Variants in MGAT4C observed in about 807,000 individuals in gnomAD.
MGAT4C encodes alpha-1,3-mannosyl-glycoprotein 4-beta-N-acetylglucosaminyltransferase C.
In MGAT4C, 19 loss-of-function variants were observed where a neutral mutation model predicts 40.1. That is an observed-to-expected ratio of 0.47 (90% CI 0.33 to 0.70). MGAT4C has a LOEUF of 0.70. MGAT4C is among the 30% of genes least tolerant of loss of function. MGAT4C has a pLI of 0.02. For synonymous variants in MGAT4C, 181 were observed against 187.1 expected (o/e 0.97, Z 0.27); for missense variants, 491 against 563.2 (o/e 0.87, Z 1.30).
intron 2 of MGAT4C, among the ~76,000 whole-genome samples, chr12:86,696,958 T>C (rs1950271342): frequency 6.6e-6 from 1 of 152,074 alleles, no homozygotes; most frequent in South Asian, 2.1e-4. Flanking sequence ...GCTCTCCCTC[T>C]GTCTTTCTCT....
chr12:86,102,434 A>G (rs897771060), intron 1 of MGAT4C, among the ~76,000 whole-genome samples: 5 of 152,090 alleles, frequency 3.3e-5, no homozygotes, highest in Non-Finnish European at 7.4e-5. Context: ...AAAAGCACAG[A>G]AAGTGTATTT....
chr12:86,609,711 A>C (rs1001079479), intron 2 of MGAT4C, among the ~76,000 whole-genome samples: 3 of 151,332 alleles, frequency 2.0e-5, no homozygotes, highest in Admixed American at 2.0e-4. Flanking sequence ...GGAGGCCCTC[A>C]AACCCTACTT....
intron 2 of MGAT4C, among the ~76,000 whole-genome samples, chr12:86,625,252 C>T (rs901883716): frequency 5.3e-5 from 8 of 151,994 alleles, no homozygotes; most frequent in South Asian, 4.1e-4. Flanking sequence ...CATCCCTAGC[C>T]GTGCAGAACT....
In MGAT4C at chr12:85,979,081, T is replaced by C. The variant is rs565806131; in HGVS notation, c.*208A>G. ...ATATAAATGAAAGTAGCATTAGCTA[T>C]AGACTGATATTCAACTTCAGACGTT... is the stretch of plus-strand genomic sequence containing the variant. On this transcript the variant is annotated 3_prime_UTR_variant, in exon 5 of 5. Coordinates refer to ENST00000611864, the MANE Select transcript of MGAT4C (RefSeq NM_001351288.2). 2.4e-6 allele frequency: 1 copy of C among 423,282 alleles called. No homozygotes were observed. Among genetic ancestry groups the C allele is most frequent in the African/African-American group, 2.0e-5 (1 of 49,246 alleles). 26.2% of individuals were successfully genotyped at this position (423,282 alleles called of 1,614,324 possible).
At chr12:86,235,119 T>C (rs1185498062) in intron 1 of MGAT4C, among the ~76,000 whole-genome samples, 2 of 152,102 alleles carry the variant, frequency 1.3e-5, no homozygotes, top group African/African-American at 4.8e-5. Flanking sequence ...CATAGGTTTA[T>C]TTATATTTGT....
At chr12:86,321,933 T>C (rs1954400132) in intron 4 of MGAT4C, among the ~76,000 whole-genome samples, 1 of 152,126 alleles carries the variant, frequency 6.6e-6, no homozygotes, top group Admixed American at 6.6e-5. Context: ...CGTATGTTTA[T>C]TGTGGCACTA....
chr12:86,200,127 GTTTTTTTTTTT>G (rs56844963), intron 1 of MGAT4C, among the ~76,000 whole-genome samples: 3 of 102,362 alleles, frequency 2.9e-5, no homozygotes, highest in East Asian at 3.1e-4. Flanking sequence ...GTATGTATTT[GTTTTTTTTTTT>G]TTTTTTTTTG....
intron 2 of MGAT4C, among the ~76,000 whole-genome samples, chr12:85,990,931 T>C (rs1885844848): frequency 6.6e-6 from 1 of 152,162 alleles, no homozygotes; most frequent in Non-Finnish European, 1.5e-5. Context: ...GGAGGCAATA[T>C]TGTAGTTCTG....
chr12:86,020,168 T>C (rs1032507816), intron 2 of MGAT4C, among the ~76,000 whole-genome samples: 4 of 152,172 alleles, frequency 2.6e-5, no homozygotes, highest in African/African-American at 7.2e-5. Flanking sequence ...CTTTTCTTCA[T>C]TGAATACCCT....
chr12:86,080,621 C>T (rs961148423), intron 1 of MGAT4C, among the ~76,000 whole-genome samples: 3 of 152,162 alleles, frequency 2.0e-5, no homozygotes, highest in South Asian at 2.1e-4. Context: ...CCACACACAC[C>T]GGTACCATGA....
intron 4 of MGAT4C, among the ~76,000 whole-genome samples, chr12:86,278,627 A>G (rs145989671): frequency 6.6e-6 from 1 of 152,016 alleles, no homozygotes; most frequent in East Asian, 1.9e-4. Flanking sequence ...CCAAGATATA[A>G]GAGCATATCA....
chr12:86,272,574 C>T (rs1010071010), intron 4 of MGAT4C, among the ~76,000 whole-genome samples: 1 of 151,958 alleles, frequency 6.6e-6, no homozygotes, highest in Non-Finnish European at 1.5e-5. Flanking sequence ...TAAATCTCTT[C>T]CAGGTGCAGC....
At chr12:86,347,568 A>G (rs1041542162) in intron 3 of MGAT4C, among the ~76,000 whole-genome samples, 3 of 152,172 alleles carry the variant, frequency 2.0e-5, no homozygotes, top group African/African-American at 7.2e-5. Context: ...ATCCCTAGGA[A>G]CTTTACCTGC....
At chr12:86,052,196 C>T (rs1892961599) in intron 1 of MGAT4C, among the ~76,000 whole-genome samples, 1 of 150,970 alleles carries the variant, frequency 6.6e-6, no homozygotes. Flanking sequence ...AATGAAAATA[C>T]ATGTTTAAAA....
intron 3 of MGAT4C, among the ~76,000 whole-genome samples, chr12:86,433,772 A>T (rs922469442): frequency 7.9e-5 from 12 of 152,026 alleles, no homozygotes; most frequent in African/African-American, 2.2e-4. Context: ...TATTTTTTAC[A>T]TCTGAAAAAT....
chr12:86,599,533 G>A (rs527526251), intron 2 of MGAT4C: 4 of 152,268 alleles, frequency 2.6e-5, no homozygotes, highest in African/African-American at 4.8e-5. Flanking sequence ...TGCTAAGTGA[G>A]AAATAAGTAT....
chr12:86,390,764 C>T (rs1956147892), intron 3 of MGAT4C, among the ~76,000 whole-genome samples: 1 of 152,194 alleles, frequency 6.6e-6, no homozygotes, highest in Admixed American at 6.5e-5. Context: ...GAACCCCATT[C>T]TACACCTTTC....
At chr12:86,470,620 T>C (rs955261336) in intron 2 of MGAT4C, among the ~76,000 whole-genome samples, 3 of 152,150 alleles carry the variant, frequency 2.0e-5, no homozygotes, top group African/African-American at 7.2e-5. Flanking sequence ...TACTTTGCTT[T>C]GGTGTCCTAA....
intron 1 of MGAT4C, among the ~76,000 whole-genome samples, chr12:86,224,484 A>C (rs1316018044): frequency 6.6e-6 from 1 of 152,230 alleles, no homozygotes; most frequent in African/African-American, 2.4e-5. Context: ...ATTCTATCCC[A>C]AAACTGCAGA....
Sources: allele counts gnomAD v4.1 joint callset (sites outside exome capture counted in the v4.1 genomes callset), GRCh38; gene constraint gnomAD v4.1.1; transcripts MANE v1.5; gene names NCBI Gene and HGNC (gene_info 2026-07-23, HGNC 2026-07-21).